Variants in PHIP observed in about 807,000 individuals in gnomAD.
The protein encoded by PHIP is PHIP subunit of CUL4-Ring ligase complex.
In PHIP, 54 loss-of-function variants were observed where a neutral mutation model predicts 236.8. That is an observed-to-expected ratio of 0.23 (90% confidence interval 0.18 to 0.29). PHIP has a LOEUF of 0.29. Ranked by LOEUF, PHIP falls within the 10% of genes least tolerant of loss-of-function variation. PHIP has a pLI of 1.00. For synonymous variants in PHIP, 756 were observed against 718.9 expected, an observed-to-expected ratio of 1.05 and a Z score of -0.83; for missense variants, 1,370 against 2,190.8, an observed-to-expected ratio of 0.63 and a Z score of 7.48.
intron 35 of PHIP, among the ~76,000 whole-genome samples, chr6:78,948,149 G>C (rs1773930639): frequency 6.6e-6 from 1 of 152,098 alleles, no homozygotes; most frequent in African/African-American, 2.4e-5. Context: ...CTAAAGGTCT[G>C]ACTCATTAAA....
rs1773228458 is a variant in PHIP at position 78,935,255 on chromosome 6, T to C, written c.*5438A>G. ...TAGAAATTTATTATATACAAAATCA[T>C]TTTAACAAAACATCTTAGGGAGAAA... On this transcript the variant is annotated 3_prime_UTR_variant, in exon 40 of 40. Coordinates refer to ENST00000275034, the MANE Select transcript of PHIP (RefSeq NM_017934.7). 6.6e-6 allele frequency among the ~76,000 whole-genome samples: 1 copy of C among 152,164 alleles called. No individual in the cohort carries two copies. Among genetic ancestry groups the C allele is most frequent in the African/African-American group, 2.4e-5 (1 of 41,460 alleles).
chr6:78,974,054 T>C (rs954849942), intron 24 of PHIP, among the ~76,000 whole-genome samples: 5 of 152,086 alleles, frequency 3.3e-5, no homozygotes, highest in Admixed American at 1.3e-4. Context: ...ACTCTCCACC[T>C]CAAATCAACA....
intron 31 of PHIP, among the ~76,000 whole-genome samples, chr6:78,960,379 C>T (rs1442563527): frequency 6.6e-6 from 1 of 151,830 alleles, no homozygotes; most frequent in Non-Finnish European, 1.5e-5. Flanking sequence ...ATCTCTGAAG[C>T]ACTAGGTTTA....
intron 17 of PHIP, among the ~76,000 whole-genome samples, chr6:78,998,653 G>A (rs1332780028): frequency 1.3e-5 from 2 of 152,026 alleles, no homozygotes; most frequent in Admixed American, 6.6e-5. Flanking sequence ...AATCCGTATG[G>A]TAACTCCATT....
rs368000937 is a variant in PHIP at position 78,946,745 on chromosome 6, T to G, written c.4336A>C (p.Arg1446=). The part of the protein sequence containing the change: ...TITKRRKKRN[R]SSSVSSSAAS... ...GCACTACTGGAAACAGAGCTGCTTC[T>G]GTTTCTTTTCTTCCTCCTTTTGGTT... Residue 1446 remains arginine (R), a synonymous_variant, in exon 37 of 40, where the codon AGA becomes CGA. Coordinates refer to ENST00000275034, the MANE Select transcript of PHIP (RefSeq NM_017934.7). The G allele has an allele frequency of 1.9e-6, 3 of 1,589,876 alleles. No homozygotes were observed. The highest frequency in any genetic ancestry group is 2.6e-6 in the Non-Finnish European group (3 of 1,172,062).
chr6:78,994,522 A>G (rs976792713), intron 19 of PHIP, among the ~76,000 whole-genome samples: 1 of 152,218 alleles, frequency 6.6e-6, no homozygotes, highest in African/African-American at 2.4e-5. Flanking sequence ...TGTTGCGGTG[A>G]GCCGAGATCA....
At position 78,935,152 on chromosome 6, in the gene PHIP, T is replaced by A. The variant is rs1331223336; in HGVS notation, c.*5541A>T. Among the ~76,000 whole-genome samples the A allele has an allele frequency of 6.6e-6, 1 of 152,160 alleles. No individual in the cohort carries two copies. The highest frequency in any genetic ancestry group is 2.4e-5 in the African/African-American group (1 of 41,422). ...ATTTTTCTTGGCTGGTTCTTCTAAG[T>A]ATATACTAGGTATTGTTATTAGCAG... On this transcript the variant is annotated 3_prime_UTR_variant, in exon 40 of 40. Coordinates refer to ENST00000275034, the MANE Select transcript of PHIP (RefSeq NM_017934.7).
chr6:79,038,488 T>C (rs891861202), intron 7 of PHIP, among the ~76,000 whole-genome samples: 3 of 152,194 alleles, frequency 2.0e-5, no homozygotes, highest in Non-Finnish European at 4.4e-5. Flanking sequence ...ATTCAGACCA[T>C]AGCAGTCATC....
chr6:79,073,116 T>A lies in PHIP; in HGVS notation c.189+4332A>T, dbSNP rs145546623. Among the ~76,000 whole-genome samples, 420 of 152,324 alleles carry A rather than the reference T, an allele frequency of 2.8e-3. 2 individuals are homozygous for A. The highest frequency in any genetic ancestry group is 4.7e-3 in the Non-Finnish European group (322 of 68,028). On this transcript the variant is annotated intron_variant, in intron 4 of 39. Coordinates refer to ENST00000275034, the MANE Select transcript of PHIP (RefSeq NM_017934.7). The stretch of plus-strand genomic sequence containing the variant: ...AAGGGACATTCCAGCTCCCGCTTTA[T>A]GCTCATGCCGCTTTACAACTATTTA...
chr6:79,034,153 G>A (rs988023561), intron 7 of PHIP, among the ~76,000 whole-genome samples: 3 of 152,178 alleles, frequency 2.0e-5, no homozygotes, highest in Non-Finnish European at 4.4e-5. Flanking sequence ...TTGAGCATAT[G>A]TTGTTAGAAA....
intron 29 of PHIP, among the ~76,000 whole-genome samples, chr6:78,964,872 A>C (rs1767031454): frequency 1.3e-5 from 2 of 152,240 alleles, no homozygotes; most frequent in Admixed American, 1.3e-4. Context: ...CTACTCTATA[A>C]ATAATCATTA....
At chr6:78,986,073 T>C (rs981088256) in intron 21 of PHIP, among the ~76,000 whole-genome samples, 4 of 152,310 alleles carry the variant, frequency 2.6e-5, no homozygotes, top group African/African-American at 9.6e-5. Context: ...TTGAGCCTTT[T>C]TAAAACACTA....
intron 6 of PHIP, among the ~76,000 whole-genome samples, chr6:79,052,637 A>G (rs982637455): frequency 1.3e-5 from 2 of 152,220 alleles, no homozygotes; most frequent in Non-Finnish European, 2.9e-5. Flanking sequence ...CAAAAAAATC[A>G]AAGGGTTCTG....
At chr6:78,988,083 A>AT (rs1768978825) in intron 21 of PHIP, 126 bp downstream of exon 21, 2 of 558,714 alleles carry the variant, frequency 3.6e-6, no homozygotes, top group Non-Finnish European at 5.7e-6. Context: ...AAGCTGTATC[A>AT]TAAGACCCCA....
chr6:79,055,511 C>G (rs1181790431), intron 6 of PHIP, among the ~76,000 whole-genome samples: 2 of 152,102 alleles, frequency 1.3e-5, no homozygotes, highest in African/African-American at 4.8e-5. Context: ...TGCTGCTATG[C>G]CAAGTACACA....
chr6:79,027,323 A>T (rs1453280220), intron 7 of PHIP, among the ~76,000 whole-genome samples: 1 of 152,152 alleles, frequency 6.6e-6, no homozygotes, highest in African/African-American at 2.4e-5. Context: ...TAAGCTTTGG[A>T]GTAAAATAAA....
At chr6:79,006,059 C>A (rs940144861) in intron 15 of PHIP, among the ~76,000 whole-genome samples, 10 of 151,984 alleles carry the variant, frequency 6.6e-5, no homozygotes, top group African/African-American at 2.4e-4. Context: ...ATCTGTTTAA[C>A]TCCAAAGTGA....
intron 19 of PHIP, among the ~76,000 whole-genome samples, chr6:78,992,044 C>A (rs1769284444): frequency 1.3e-5 from 2 of 150,384 alleles, no homozygotes; most frequent in African/African-American, 2.5e-5. Context: ...TCACTGCAGG[C>A]TCTGCCCCCC....
intron 7 of PHIP, among the ~76,000 whole-genome samples, chr6:79,034,927 A>G (rs1244149871): frequency 6.6e-6 from 1 of 152,180 alleles, no homozygotes; most frequent in East Asian, 1.9e-4. Flanking sequence ...GGCAACTAAG[A>G]AACAACTTGT....
Sources: gnomAD v4.1 joint callset for allele counts (sites outside exome capture counted in the v4.1 genomes callset) on GRCh38, gnomAD v4.1.1 for gene constraint, MANE v1.5 for transcripts, NCBI Gene and HGNC (gene_info 2026-07-23, HGNC 2026-07-21) for gene names.